The following RPS6KA5 variants were observed in gnomAD, a reference collection of about 807,000 sequenced individuals.
RPS6KA5 encodes ribosomal protein S6 kinase alpha-5.
A neutral mutation model predicts 85.5 loss-of-function variants in RPS6KA5; 27 were observed. The observed-to-expected ratio is 0.32, with a 90% CI of 0.23 to 0.44. The LOEUF (loss-of-function observed/expected upper bound fraction) is 0.44. Ranked by LOEUF, RPS6KA5 falls within the 20% of genes least tolerant of loss-of-function variation. The probability of loss-of-function intolerance (pLI) is 1.00; values close to 1 mark genes in which losing one functional copy is unlikely to be tolerated. For synonymous variants in RPS6KA5, 334 were observed against 348.2 expected (o/e 0.96, Z 0.46); for missense variants, 811 against 980.9 (o/e 0.83, Z 2.31).
chr14:91,059,743 T>C (rs2043546149), intron 1 of RPS6KA5, among the ~76,000 whole-genome samples: 1 of 152,198 alleles, frequency 6.6e-6, no homozygotes, highest in Non-Finnish European at 1.5e-5. Context: ...TATTTCATGA[T>C]AAGTGAGAAT....
chr14:90,969,406 T>C (rs1267713003), intron 3 of RPS6KA5, among the ~76,000 whole-genome samples: 2 of 152,208 alleles, frequency 1.3e-5, no homozygotes, highest in Non-Finnish European at 2.9e-5. Context: ...TCATACACTT[T>C]TATTAGCAGA....
chr14:90,968,501 A>G (rs1450251919), intron 3 of RPS6KA5, among the ~76,000 whole-genome samples: 1 of 152,198 alleles, frequency 6.6e-6, no homozygotes, highest in East Asian at 1.9e-4. Flanking sequence ...GGAGGACATT[A>G]TTCAGTCTAC....
chr14:90,927,923 C>CTTTCTTTTCT (rs10654326), intron 5 of RPS6KA5, among the ~76,000 whole-genome samples: 17 of 135,830 alleles, frequency 1.3e-4, no homozygotes, highest in Admixed American at 2.2e-4. Context: ...TTTTCTCTTT[C>CTTTCTTTTCT]TTTCTTTTCT....
chr14:91,044,293 G>A (rs924225288), intron 1 of RPS6KA5, among the ~76,000 whole-genome samples: 4 of 65,752 alleles, frequency 6.1e-5, no homozygotes, highest in African/African-American at 2.4e-4. Context: ...GAGAGAGAGA[G>A]AAAGAGAGAG....
chr14:90,954,559 G>A (rs143429097), intron 3 of RPS6KA5, among the ~76,000 whole-genome samples: 33 of 152,202 alleles, frequency 2.2e-4, no homozygotes, highest in Middle Eastern at 3.4e-3. Context: ...GCTTACAGGC[G>A]CCCATCACCA....
At chr14:91,014,161 A>C (rs2041380701) in intron 1 of RPS6KA5, among the ~76,000 whole-genome samples, 3 of 152,216 alleles carry the variant, frequency 2.0e-5, no homozygotes, top group Non-Finnish European at 4.4e-5. Context: ...ACTCAAAAGA[A>C]AAAATTAGGG....
intron 1 of RPS6KA5, among the ~76,000 whole-genome samples, chr14:91,041,252 T>A (rs1196955749): frequency 6.6e-6 from 1 of 152,194 alleles, no homozygotes; most frequent in Non-Finnish European, 1.5e-5. Flanking sequence ...ATATGCCAAC[T>A]AGGAAATATG....
intron 14 of RPS6KA5, among the ~76,000 whole-genome samples, chr14:90,880,314 C>T (rs1298918268): frequency 6.6e-6 from 1 of 152,174 alleles, no homozygotes; most frequent in Non-Finnish European, 1.5e-5. Context: ...CGGCAACCAC[C>T]ATTTTACTTT....
intron 6 of RPS6KA5, among the ~76,000 whole-genome samples, chr14:90,922,762 G>C (rs1293669100): frequency 5.3e-5 from 8 of 152,038 alleles, no homozygotes; most frequent in Admixed American, 5.2e-4. Context: ...GTCATAGTTT[G>C]TACTCTAAGA....
intron 5 of RPS6KA5, among the ~76,000 whole-genome samples, chr14:90,933,267 T>C (rs1286120): frequency 0.82 from 125,471 of 152,118 alleles, 52,401 homozygotes; most frequent in East Asian, 0.97. Context: ...CTCATATAGC[T>C]CACTGCTTAA....
intron 3 of RPS6KA5, among the ~76,000 whole-genome samples, chr14:90,952,325 G>T (rs1834735623): frequency 2.0e-5 from 3 of 152,178 alleles, no homozygotes; most frequent in Admixed American, 1.3e-4. Flanking sequence ...GTACAATGTT[G>T]GTTCGAGTTC....
chr14:90,936,213 G>A (rs1436087336), intron 5 of RPS6KA5, among the ~76,000 whole-genome samples: 1 of 152,108 alleles, frequency 6.6e-6, no homozygotes, highest in Non-Finnish European at 1.5e-5. Context: ...TATTTTTAAA[G>A]TTTCTAAAAT....
rs554020900 is a variant in RPS6KA5 at position 90,850,332 on chromosome 14, T to C, written c.*21742A>G. The C allele has an allele frequency of 6.6e-6, 1 of 152,106 alleles. No homozygotes were observed. The highest frequency in any genetic ancestry group is 1.5e-5 in the Non-Finnish European group (1 of 68,020). 9.4% of individuals were successfully genotyped at this position (152,106 alleles called of 1,614,324 possible). A position where few individuals can be genotyped will look rare whatever the true frequency, so the allele number is the denominator to read the frequency against. ...TCATGATTGTAGTCAATTTTAAAAA[T>C]AGACATCCTTTCCCTTCTTGCTCCC... On this transcript the variant is annotated 3_prime_UTR_variant, in exon 17 of 17. Coordinates refer to ENST00000614987, the MANE Select transcript of RPS6KA5 (RefSeq NM_004755.4).
intron 2 of RPS6KA5, among the ~76,000 whole-genome samples, chr14:90,991,760 C>CA (rs1333701171): frequency 1.4e-5 from 2 of 147,356 alleles, no homozygotes; most frequent in African/African-American, 5.0e-5. Flanking sequence ...GAGAAGAATC[C>CA]AAAAAGAATC....
chr14:90,996,997 A>G (rs892075220), intron 2 of RPS6KA5, among the ~76,000 whole-genome samples: 2 of 152,238 alleles, frequency 1.3e-5, no homozygotes, highest in African/African-American at 4.8e-5. Flanking sequence ...ATCTAAATAA[A>G]TGGCAGATGG....
At chr14:91,028,498 G>A (rs1052195512) in intron 1 of RPS6KA5, among the ~76,000 whole-genome samples, 8 of 151,904 alleles carry the variant, frequency 5.3e-5, no homozygotes, top group Non-Finnish European at 7.4e-5. Context: ...TTACAGGCAT[G>A]AGCCACCATG....
At chr14:90,960,478 C>G (rs2038741788) in intron 3 of RPS6KA5, among the ~76,000 whole-genome samples, 1 of 152,170 alleles carries the variant, frequency 6.6e-6, no homozygotes, top group Non-Finnish European at 1.5e-5. Flanking sequence ...CCACCCAGAT[C>G]CTCACTGACA....
At chr14:90,936,477 T>C (rs1386543818) in intron 5 of RPS6KA5, among the ~76,000 whole-genome samples, 1 of 152,094 alleles carries the variant, frequency 6.6e-6, no homozygotes. Flanking sequence ...GGTGGGAGGA[T>C]GGCTTGACCC....
chr14:91,059,341 A>G (rs1340938284), intron 1 of RPS6KA5, among the ~76,000 whole-genome samples: 2 of 75,428 alleles, frequency 2.7e-5, no homozygotes, highest in East Asian at 2.6e-4. Flanking sequence ...ACTCTGTCTG[A>G]AAAAAAAAAA....
Sources: allele counts gnomAD v4.1 joint callset (sites outside exome capture counted in the v4.1 genomes callset), GRCh38; gene constraint gnomAD v4.1.1; transcripts MANE v1.5; gene names NCBI Gene and HGNC (gene_info 2026-07-23, HGNC 2026-07-21).